The following ZNF804A variants were observed in gnomAD, a reference collection of about 807,000 sequenced individuals.
ZNF804A encodes zinc finger protein 804A.
Under a neutral mutation model 16.5 loss-of-function variants are expected in ZNF804A, and 2 were observed. The ratio of observed to expected loss-of-function variants is 0.12; its 90% CI spans 0.05 to 0.38. The LOEUF (loss-of-function observed/expected upper bound fraction) is 0.38. Among genes scored for constraint, ZNF804A ranks in the 10% least tolerant of loss-of-function variants. The pLI, the probability that ZNF804A is intolerant of heterozygous loss-of-function variation, is 0.99. For missense variants in ZNF804A, 1,473 were observed against 1,390.7 expected (o/e 1.06, Z -0.94); for synonymous variants, 534 against 489.6 (o/e 1.09, Z -1.20).
intron 1 of ZNF804A, among the ~76,000 whole-genome samples, chr2:184,749,082 T>A (rs1391335738): frequency 6.6e-6 from 1 of 151,568 alleles, no homozygotes; most frequent in Non-Finnish European, 1.5e-5. Flanking sequence ...CCTTTTTGGT[T>A]CGATATGGAT....
At chr2:184,719,608 C>T (rs1002871915) in intron 1 of ZNF804A, among the ~76,000 whole-genome samples, 10 of 152,194 alleles carry the variant, frequency 6.6e-5, no homozygotes, top group Admixed American at 2.0e-4. Context: ...TCATCTCTCT[C>T]AAGTTCAAAG....
At chr2:184,602,883 G>T (rs1468270125) in intron 1 of ZNF804A, among the ~76,000 whole-genome samples, 5 of 152,006 alleles carry the variant, frequency 3.3e-5, no homozygotes, top group African/African-American at 1.2e-4. Flanking sequence ...AATATCTAGG[G>T]ATCATTATGA....
intron 1 of ZNF804A, among the ~76,000 whole-genome samples, chr2:184,615,372 TA>T (rs1380267808): frequency 6.6e-6 from 1 of 151,980 alleles, no homozygotes; most frequent in African/African-American, 2.4e-5. Context: ...ATTATAATAA[TA>T]AAAAAAGAAT....
intron 1 of ZNF804A, among the ~76,000 whole-genome samples, chr2:184,802,312 CT>C (rs1211746799): frequency 6.6e-6 from 1 of 152,150 alleles, no homozygotes; most frequent in African/African-American, 2.4e-5. Flanking sequence ...CTGCTCAAGT[CT>C]TTTTCACTGG....
chr2:184,847,813 T>C (rs766699607), intron 1 of ZNF804A, among the ~76,000 whole-genome samples: 2 of 152,006 alleles, frequency 1.3e-5, no homozygotes, highest in African/African-American at 4.8e-5. Context: ...TCAGGTTTGG[T>C]AATTTTCAAA....
At chr2:184,866,650 T>C in intron 2 of ZNF804A, 138 bp downstream of exon 2, 2 of 725,334 alleles carry the variant, frequency 2.8e-6, no homozygotes, top group Non-Finnish European at 3.9e-6. Context: ...CATTCTGGGA[T>C]GATAATTTGA....
chr2:184,835,150 GT>G (rs1306554211), intron 1 of ZNF804A, among the ~76,000 whole-genome samples: 4 of 152,234 alleles, frequency 2.6e-5, no homozygotes, highest in Non-Finnish European at 4.4e-5. Flanking sequence ...CAAAATTGGG[GT>G]TTGTACTGGG....
chr2:184,733,645 A>G (rs1258779783), intron 1 of ZNF804A, among the ~76,000 whole-genome samples: 1 of 152,092 alleles, frequency 6.6e-6, no homozygotes, highest in Non-Finnish European at 1.5e-5. Context: ...AACCCATCTG[A>G]GCTTTGTATG....
chr2:184,754,213 C>T (rs181834409), intron 1 of ZNF804A, among the ~76,000 whole-genome samples: 2 of 151,914 alleles, frequency 1.3e-5, no homozygotes, highest in East Asian at 1.9e-4. Context: ...AAACACTGGA[C>T]GAAGACACTA....
At chr2:184,859,023 C>T (rs1453396464) in intron 1 of ZNF804A, among the ~76,000 whole-genome samples, 3 of 152,144 alleles carry the variant, frequency 2.0e-5, no homozygotes, top group Non-Finnish European at 4.4e-5. Context: ...AAATATGTTG[C>T]TCGTTTTATT....
intron 1 of ZNF804A, among the ~76,000 whole-genome samples, chr2:184,690,602 G>A (rs574391247): frequency 2.6e-5 from 4 of 152,114 alleles, no homozygotes; most frequent in African/African-American, 4.8e-5. Flanking sequence ...AATCAAGAGA[G>A]GGGAACAGTT....
chr2:184,732,518 G>A (rs1334425394), intron 1 of ZNF804A, among the ~76,000 whole-genome samples: 1 of 151,984 alleles, frequency 6.6e-6, no homozygotes, highest in African/African-American at 2.4e-5. Context: ...GCTATTCTGT[G>A]TCTTTTCCCT....
chr2:184,687,187 T>A (rs182417206), intron 1 of ZNF804A, among the ~76,000 whole-genome samples: 1 of 152,272 alleles, frequency 6.6e-6, no homozygotes, highest in Admixed American at 6.5e-5. Flanking sequence ...CCATCTTGAG[T>A]TAGTTTTTGC....
intron 1 of ZNF804A, among the ~76,000 whole-genome samples, chr2:184,716,579 G>T (rs570195321): frequency 3.9e-5 from 6 of 152,158 alleles, no homozygotes; most frequent in African/African-American, 1.4e-4. Context: ...TAAAATAAAA[G>T]ACAGGATGAA....
chr2:184,791,101 T>A (rs1324466605), intron 1 of ZNF804A, among the ~76,000 whole-genome samples: 1 of 152,194 alleles, frequency 6.6e-6, no homozygotes, highest in African/African-American at 2.4e-5. Flanking sequence ...GGACAGCAGA[T>A]GGTTGTCTTT....
chr2:184,789,242 A>T (rs1032302256), intron 1 of ZNF804A, among the ~76,000 whole-genome samples: 1 of 151,654 alleles, frequency 6.6e-6, no homozygotes, highest in African/African-American at 2.4e-5. Context: ...GTTTGCTAGC[A>T]TTTTGCTGAT....
chr2:184,900,276 C>T (rs1685156895), intron 2 of ZNF804A, among the ~76,000 whole-genome samples: 1 of 152,100 alleles, frequency 6.6e-6, no homozygotes, highest in Non-Finnish European at 1.5e-5. Flanking sequence ...AAATGTTTCA[C>T]ATTATGGGAT....
At chr2:184,808,474 CTT>C (rs1694844892) in intron 1 of ZNF804A, among the ~76,000 whole-genome samples, 1 of 151,394 alleles carries the variant, frequency 6.6e-6, no homozygotes, top group African/African-American at 2.4e-5. Flanking sequence ...ATGTGAATCT[CTT>C]ATATTGAAAG....
Position 184,936,056 on chromosome 2 carries a change from G to C in ZNF804A, c.660G>C (p.Lys220Asn). 1 of 1,614,006 alleles carries C rather than the reference G, an allele frequency of 6.2e-7. No individual in the cohort carries two copies. The highest frequency in any genetic ancestry group is 8.5e-7 in the Non-Finnish European group (1 of 1,179,956). ...HKIGFSFAFP[K>N]KASVKLESSA... is the part of the protein sequence containing the mutation. ...TCGGCTTTTCTTTTGCATTTCCAAA[G>C]AAAGCGTCCGTGAAGCTAGAGTCCT... is the stretch of plus-strand genomic sequence containing the variant. The change falls in exon 4 of 4, where the codon AAG becomes AAC. Residue 220 changes from lysine (K) to asparagine (N), a missense_variant. Physicochemically the swap from Lys to Asn is moderately conservative, Grantham distance 94. Transcript: ENST00000302277.
Sources: gnomAD v4.1 joint callset for allele counts (sites outside exome capture counted in the v4.1 genomes callset) on GRCh38, gnomAD v4.1.1 for gene constraint, MANE v1.5 for transcripts, NCBI Gene and HGNC (gene_info 2026-07-23, HGNC 2026-07-21) for gene names.